Variants in NSFL1C observed in about 807,000 individuals in gnomAD.
NSFL1C encodes the protein NSFL1 cofactor, also known as NSFL1 cofactor p47.
NSFL1C carries 14 observed loss-of-function variants against 43.1 expected under a neutral mutation model. That is an observed-to-expected ratio of 0.32 (90% confidence interval 0.21 to 0.51). The LOEUF (loss-of-function observed/expected upper bound fraction) is 0.51. Ranked by LOEUF, NSFL1C falls within the 20% of genes least tolerant of loss-of-function variation. The pLI is 0.98. For missense variants in NSFL1C, 406 were observed against 472.5 expected, an observed-to-expected ratio of 0.86 and a Z score of 1.30; for synonymous variants, 171 against 183.5, an observed-to-expected ratio of 0.93 and a Z score of 0.55.
intron 3 of NSFL1C, among the ~76,000 whole-genome samples, chr20:1,457,626 A>C (rs543038134): frequency 6.6e-6 from 1 of 152,172 alleles, no homozygotes; most frequent in East Asian, 1.9e-4. Context: ...CTGTAACCAC[A>C]CTCTGTCGAT....
intron 2 of NSFL1C, 143 bp from the exon 3 acceptor site, chr20:1,458,417 C>T (rs894692841): frequency 1.4e-5 from 9 of 622,124 alleles, no homozygotes; most frequent in South Asian, 3.8e-5. Context: ...AGGTTAATCC[C>T]CTAAGATTAC....
At chr20:1,455,605 C>T (rs1282640803) in intron 3 of NSFL1C, 1 of 774,796 alleles carries the variant, frequency 1.3e-6, no homozygotes, top group African/African-American at 1.7e-5. Flanking sequence ...AGCAGCTAGG[C>T]TCCAGTCTTG....
intron 7 of NSFL1C, among the ~76,000 whole-genome samples, chr20:1,450,615 G>GT (rs2090163214): frequency 6.6e-6 from 1 of 152,180 alleles, no homozygotes; most frequent in South Asian, 2.1e-4. Context: ...AAAGTGCATG[G>GT]TGTTCTGAAG....
intron 3 of NSFL1C, chr20:1,456,786 G>T (rs768747875): frequency 1.3e-5 from 2 of 152,148 alleles, no homozygotes; most frequent in African/African-American, 2.4e-5. Context: ...AATCTGAAAT[G>T]TGGTTAATTA....
At chr20:1,446,888 A>C (rs2090070397) in intron 7 of NSFL1C, among the ~76,000 whole-genome samples, 1 of 152,206 alleles carries the variant, frequency 6.6e-6, no homozygotes, top group African/African-American at 2.4e-5. Context: ...TCACAGCCCC[A>C]AAAATGGTAC....
intron 5 of NSFL1C, 83 bp downstream of exon 5, chr20:1,454,130 A>G (rs1038381655): frequency 9.4e-7 from 1 of 1,066,574 alleles, no homozygotes; most frequent in Non-Finnish European, 1.5e-6. Context: ...GCTGCTGGTT[A>G]ATGCACAATA....
rs1404993130 is a variant in NSFL1C, at chr20:1,452,628, T to A, written c.650A>T (p.Glu217Val). 1 of 1,613,978 alleles carries A rather than the reference T, an allele frequency of 6.2e-7. No homozygotes were observed. The change falls in exon 7 of 9, where the codon GAG becomes GTG. Residue 217 changes from glutamate (E) to valine (V), a missense_variant and splice_region_variant. Around this residue, in one of 3 missense-constraint regions of NSFL1C, gnomAD observed 196 missense variants for 228.0 expected, o/e 0.86. Transcript: ENST00000216879. ...TAGCCTCCGAAGCTCTGCTGGCACC[T>A]CCCTGTGGAAGAAAAGGCCATGCTG... ...AQFLESIRRGEVPAELRRLAH... is the reference protein window; with the variant it reads ...AQFLESIRRGVVPAELRRLAH...
intron 2 of NSFL1C, among the ~76,000 whole-genome samples, chr20:1,460,202 CTT>C (rs1483788574): frequency 6.6e-6 from 1 of 152,182 alleles, no homozygotes; most frequent in Non-Finnish European, 1.5e-5. Flanking sequence ...CACGGAAAGT[CTT>C]TTGCATGGTG....
intron 7 of NSFL1C, among the ~76,000 whole-genome samples, chr20:1,447,950 C>G (rs905128161): frequency 6.6e-6 from 1 of 152,192 alleles, no homozygotes; most frequent in Non-Finnish European, 1.5e-5. Flanking sequence ...AAAACTAATG[C>G]AATGAACAAG....
rs750722504 is a variant in NSFL1C, at chr20:1,443,224, G to C, written c.*525C>G. 1.3e-5 allele frequency: 2 copies of C among 153,370 alleles called. No individual in the cohort carries two copies. Among genetic ancestry groups the C allele is most frequent in the Non-Finnish European group, 2.9e-5 (2 of 68,884 alleles). The allele number at this position is 153,370 out of a possible 1,614,324, so 9.5% of individuals were successfully genotyped here. A position where few individuals can be genotyped will look rare whatever the true frequency, so the allele number is the denominator to read the frequency against. ...CATGGAGCTCTGACTTCCCACTTCA[G>C]GGAACTCTGGCTGCCGCCCAGTTTT... On this transcript the variant is annotated 3_prime_UTR_variant, in exon 9 of 9. Transcript: ENST00000216879.
intron 2 of NSFL1C, among the ~76,000 whole-genome samples, chr20:1,459,521 T>C (rs1330256292): frequency 1.3e-5 from 2 of 151,998 alleles, no homozygotes; most frequent in Non-Finnish European, 2.9e-5. Flanking sequence ...TAACAGAGAG[T>C]AATACAGGTT....
chr20:1,454,250 T>C lies in NSFL1C; in HGVS notation c.500A>G (p.Tyr167Cys), dbSNP rs1169690480. Residue 167 changes from tyrosine to cysteine, a missense_variant, in exon 5 of 9, where the codon TAT becomes TGT. Coordinates refer to ENST00000216879, the MANE Select transcript of NSFL1C (RefSeq NM_016143.5). The part of the protein sequence containing the change: ...LGAAPEEESA[Y>C]VAGEKRQHSS... ...ATGCTGCCTCTTTTCTCCTGCCACATAGGCAGACTCTTCCTCTGGTGCTGC... is the reference window on the plus strand; with the variant it reads ...ATGCTGCCTCTTTTCTCCTGCCACACAGGCAGACTCTTCCTCTGGTGCTGC... 2 of 1,612,998 alleles carry C rather than the reference T, an allele frequency of 1.2e-6. No homozygotes were observed. Among genetic ancestry groups the C allele is most frequent in the Admixed American group, 1.7e-5 (1 of 60,030 alleles).
At chr20:1,447,145 G>A (rs2090076072) in intron 7 of NSFL1C, among the ~76,000 whole-genome samples, 1 of 152,176 alleles carries the variant, frequency 6.6e-6, no homozygotes, top group African/African-American at 2.4e-5. Context: ...AGAGGAGAAT[G>A]TCACCCACAT....
intron 7 of NSFL1C, among the ~76,000 whole-genome samples, chr20:1,451,707 C>G (rs1665568771): frequency 6.6e-6 from 1 of 152,232 alleles, no homozygotes; most frequent in African/African-American, 2.4e-5. Flanking sequence ...GGCAGCCTAC[C>G]TATGGGCTGG....
chr20:1,466,630 G>A (rs929645303), intron 1 of NSFL1C, 90 bp downstream of exon 1: 21 of 1,257,782 alleles, frequency 1.7e-5, no homozygotes, highest in Middle Eastern at 2.3e-4. Context: ...GGGGATGACT[G>A]TGCGCTTCGG....
chr20:1,466,545 C>T (rs2090517019), intron 1 of NSFL1C, among the ~76,000 whole-genome samples, 175 bp downstream of exon 1: 2 of 152,354 alleles, frequency 1.3e-5, no homozygotes, highest in Admixed American at 6.5e-5. Context: ...CGCGTTCCCC[C>T]ACTCCCAAGC....
intron 7 of NSFL1C, 34 bp from the exon 8 acceptor site, chr20:1,445,864 G>A: frequency 1.2e-6 from 2 of 1,607,410 alleles, no homozygotes; most frequent in Non-Finnish European, 8.5e-7. Flanking sequence ...AACACAAGCA[G>A]AAACAAGGCC....
chr20:1,465,521 T>C (rs1339094448), intron 1 of NSFL1C, among the ~76,000 whole-genome samples: 2 of 152,232 alleles, frequency 1.3e-5, no homozygotes, highest in Non-Finnish European at 2.9e-5. Flanking sequence ...GCATAGGGGC[T>C]TCCCATTGTG....
At chr20:1,443,952 C>T in intron 8 of NSFL1C, 41 bp from the exon 9 acceptor site, 1 of 1,580,226 alleles carries the variant, frequency 6.3e-7, no homozygotes, top group Non-Finnish European at 8.6e-7. Context: ...CCATCCTCTG[C>T]TGTCCATACC....
Sources: allele counts gnomAD v4.1 joint callset (sites outside exome capture counted in the v4.1 genomes callset), GRCh38; gene constraint gnomAD v4.1.1; regional missense constraint gnomAD v4.1.1; transcripts MANE v1.5; gene names NCBI Gene and HGNC (gene_info 2026-07-23, HGNC 2026-07-21).